The following FAP variants were observed in gnomAD, a reference collection of about 807,000 sequenced individuals.
FAP encodes fibroblast activation protein alpha.
FAP carries 110 observed loss-of-function variants against 126.5 expected under a neutral mutation model. The ratio of observed to expected loss-of-function variants is 0.87; its 90% CI spans 0.74 to 1.02. The LOEUF is 1.02. Ranked by LOEUF, FAP falls within the 50% of genes least tolerant of loss-of-function variation. The pLI, the probability that FAP is intolerant of heterozygous loss-of-function variation, is 0.00. For missense variants in FAP, 919 were observed against 909.2 expected, an observed-to-expected ratio of 1.01 and a Z score of -0.14; for synonymous variants, 334 against 297.3, an observed-to-expected ratio of 1.12 and a Z score of -1.27.
intron 21 of FAP, among the ~76,000 whole-genome samples, chr2:162,179,604 C>G (rs1485422566): frequency 6.6e-6 from 1 of 151,932 alleles, no homozygotes; most frequent in African/African-American, 2.4e-5. Flanking sequence ...CAAAGAGCTA[C>G]TGGAGCACAA....
At chr2:162,184,992 A>G (rs148989612) in intron 20 of FAP, among the ~76,000 whole-genome samples, 1 of 152,314 alleles carries the variant, frequency 6.6e-6, no homozygotes, top group East Asian at 1.9e-4. Context: ...TGCAATAGTT[A>G]ACATGGAAAT....
Position 162,198,743 on chromosome 2 carries a change from G to C in FAP, c.1402+14C>G. On this transcript the variant is annotated intron_variant, in intron 16 of 25. Coordinates refer to ENST00000188790, the MANE Select transcript of FAP (RefSeq NM_004460.5). ...CTGTGGGGATGCTGTGCTTATGTGA[G>C]GTCCGTTACCTACCGTAGCAGACAA... 1 of 1,613,776 alleles carries C rather than the reference G, an allele frequency of 6.2e-7. No individual in the cohort carries two copies.
chr2:162,189,275 C>A, intron 18 of FAP, 103 bp from the exon 19 acceptor site: 1 of 597,026 alleles, frequency 1.7e-6, no homozygotes, highest in Non-Finnish European at 2.8e-6. Context: ...TTTTCAACTA[C>A]TAAATTGTTA....
At chr2:162,185,860 T>C (rs1372084583) in intron 20 of FAP, among the ~76,000 whole-genome samples, 1 of 152,120 alleles carries the variant, frequency 6.6e-6, no homozygotes, top group Non-Finnish European at 1.5e-5. Context: ...AGGAGGTATA[T>C]TGAATCATCC....
intron 2 of FAP, among the ~76,000 whole-genome samples, chr2:162,227,123 T>C (rs1299809084): frequency 3.3e-5 from 5 of 152,166 alleles, no homozygotes; most frequent in African/African-American, 7.2e-5. Context: ...AGCATCCCAG[T>C]TGGTCAAATG....
At chr2:162,226,417 C>A in intron 3 of FAP, 106 bp downstream of exon 3, 1 of 555,820 alleles carries the variant, frequency 1.8e-6, no homozygotes, top group Non-Finnish European at 3.1e-6. Context: ...TCTTTTTGTA[C>A]ATTTCAACTG....
At chr2:162,242,816 C>T in intron 2 of FAP, 92 bp downstream of exon 2, 2 of 877,634 alleles carry the variant, frequency 2.3e-6, no homozygotes, top group Admixed American at 4.4e-5. Context: ...GGAACATAAG[C>T]ACTTAGGAAA....
At position 162,218,042 on chromosome 2, in the gene FAP, A is replaced by G. The variant is rs1454626205; in HGVS notation, c.706T>C (p.Tyr236His). Residue 236 changes from tyrosine (Y) to histidine (H), a missense_variant, in exon 9 of 26, where the codon TAT becomes CAT. Tyr to His is a moderately conservative substitution (Grantham distance 83). Coordinates refer to ENST00000188790, the MANE Select transcript of FAP (RefSeq NM_004460.5). The part of the protein sequence containing the change: ...FNDTDIPVIA[Y>H]SYYGDEQYPR... ...TATTGTTCATCGCCATAATAGGAAT[A>G]GGCAATAACTGGTATATCCGTATCA... 1.2e-6 allele frequency: 2 copies of G among 1,605,824 alleles called. No individual in the cohort carries two copies. Among genetic ancestry groups the G allele is most frequent in the Admixed American group, 1.7e-5 (1 of 59,152 alleles).
At chr2:162,238,473 T>G (rs1690225901) in intron 2 of FAP, among the ~76,000 whole-genome samples, 1 of 152,240 alleles carries the variant, frequency 6.6e-6, no homozygotes, top group South Asian at 2.1e-4. Flanking sequence ...CAAAGGGAGT[T>G]TGCCAAGATT....
At chr2:162,222,852 C>G in intron 6 of FAP, among the ~76,000 whole-genome samples, 1 of 152,160 alleles carries the variant, frequency 6.6e-6, no homozygotes. Flanking sequence ...CAGCAGGCCC[C>G]TCCCTCAATT....
chr2:162,224,662 T>A (rs1689560714), intron 4 of FAP, 122 bp from the exon 5 acceptor site: 4 of 518,722 alleles, frequency 7.7e-6, no homozygotes, highest in Non-Finnish European at 1.3e-5. Flanking sequence ...TTCAATGCAA[T>A]TGAAAAAAAT....
intron 21 of FAP, among the ~76,000 whole-genome samples, chr2:162,179,711 G>C (rs1164343578): frequency 6.6e-6 from 1 of 151,628 alleles, no homozygotes; most frequent in Non-Finnish European, 1.5e-5. Flanking sequence ...AATGGACATT[G>C]CAGATGCGAG....
At chr2:162,210,229 T>A (rs2106260825) in intron 11 of FAP, among the ~76,000 whole-genome samples, 1 of 152,332 alleles carries the variant, frequency 6.6e-6, no homozygotes, top group South Asian at 2.1e-4. Flanking sequence ...AAATCTTCCA[T>A]GAGGCAGTGA....
At chr2:162,227,918 A>G (rs1689724183) in intron 2 of FAP, among the ~76,000 whole-genome samples, 1 of 152,148 alleles carries the variant, frequency 6.6e-6, no homozygotes, top group Admixed American at 6.5e-5. Flanking sequence ...GGTTTAGATC[A>G]GGTTTCCTTT....
rs960590679 is a variant in FAP at position 162,223,478 on chromosome 2, C to T, written c.413+130G>A. ...TGTAAGCTTTATGGGTACATACATA[C>T]TGTATTACTAAAAAGTAAGAAACAA... On this transcript the variant is annotated intron_variant, in intron 6 of 25. Coordinates refer to ENST00000188790, the MANE Select transcript of FAP (RefSeq NM_004460.5). 8.2e-5 allele frequency: 53 copies of T among 645,026 alleles called. No individual in the cohort carries two copies. The African/African-American group carries it at 9.4e-4, about 11-fold the overall frequency. 40.0% of individuals were successfully genotyped at this position (645,026 alleles called of 1,614,324 possible).
chr2:162,215,144 A>G (rs1178166734), intron 10 of FAP, among the ~76,000 whole-genome samples: 1 of 152,234 alleles, frequency 6.6e-6, no homozygotes, highest in Non-Finnish European at 1.5e-5. Flanking sequence ...GGACTCAGCA[A>G]GGCCCAGTAG....
chr2:162,238,794 A>T (rs1197177753), intron 2 of FAP, among the ~76,000 whole-genome samples: 1 of 152,178 alleles, frequency 6.6e-6, no homozygotes, highest in African/African-American at 2.4e-5. Flanking sequence ...ACCAAAGGTG[A>T]TTGTTGAAGT....
rs1181032605 is a variant in FAP, at chr2:162,219,858, T to A, written c.481A>T (p.Lys161Ter). 1 of 1,606,264 alleles carries A rather than the reference T, an allele frequency of 6.2e-7. No individual in the cohort carries two copies. Among genetic ancestry groups the A allele is most frequent in the Admixed American group, 1.7e-5 (1 of 59,840 alleles). The change falls in exon 7 of 26, where the codon AAA becomes TAA. Residue 161 changes from lysine (K) to a stop codon, truncating the protein, a stop_gained. Coordinates refer to ENST00000188790, the MANE Select transcript of FAP (RefSeq NM_004460.5). LOFTEE classifies it high-confidence loss of function. Reference protein sequence around the residue: ...QYLCWSPVGSKLAYVYQNNIY... With the variant: ...QYLCWSPVGS ...TCAAAAATTTAAACACTTACTAATT[T>A]ACTCCCAACAGGCGACCAGCATAAA...
intron 16 of FAP, chr2:162,197,691 G>C: frequency 4.4e-6 from 2 of 456,062 alleles, no homozygotes; most frequent in Non-Finnish European, 8.8e-6. Flanking sequence ...TGGCATGTTA[G>C]GGTAGCCTTC....
Sources: allele counts gnomAD v4.1 joint callset (sites outside exome capture counted in the v4.1 genomes callset), GRCh38; gene constraint gnomAD v4.1.1; transcripts MANE v1.5; gene names NCBI Gene and HGNC (gene_info 2026-07-23, HGNC 2026-07-21).